DGKI: variants seen among roughly 807,000 people sequenced by gnomAD.
DGKI encodes diacylglycerol kinase iota.
In DGKI, 55 loss-of-function variants were observed where a neutral mutation model predicts 147.5. The observed-to-expected ratio is 0.37, with a 90% CI of 0.30 to 0.47. The LOEUF (loss-of-function observed/expected upper bound fraction) is 0.47. DGKI is among the 20% of genes least tolerant of loss of function. The pLI is 1.00. For missense variants in DGKI, 1,007 were observed against 1,323.8 expected, an observed-to-expected ratio of 0.76 and a Z score of 3.71; for synonymous variants, 469 against 477.1, an observed-to-expected ratio of 0.98 and a Z score of 0.22.
intron 5 of DGKI, among the ~76,000 whole-genome samples, chr7:137,650,728 C>A (rs976622722): frequency 1.3e-5 from 2 of 152,208 alleles, no homozygotes; most frequent in African/African-American, 4.8e-5. Context: ...TGATCTTGGA[C>A]TTCCAGCTTG....
At chr7:137,529,463 A>G (rs1470232716) in intron 20 of DGKI, among the ~76,000 whole-genome samples, 1 of 152,196 alleles carries the variant, frequency 6.6e-6, no homozygotes, top group Non-Finnish European at 1.5e-5. Flanking sequence ...TAACTAATTT[A>G]CCACATGGTT....
intron 1 of DGKI, among the ~76,000 whole-genome samples, chr7:137,692,773 A>G (rs560563977): frequency 1.2e-4 from 18 of 152,344 alleles, no homozygotes; most frequent in Admixed American, 9.8e-4. Context: ...AATAGAAACA[A>G]GTAAGGCCTT....
chr7:137,723,868 T>C (rs1007461051), intron 1 of DGKI, among the ~76,000 whole-genome samples: 1 of 151,774 alleles, frequency 6.6e-6, no homozygotes, highest in Non-Finnish European at 1.5e-5. Context: ...TATCACCATA[T>C]CCAGCTAATT....
intron 1 of DGKI, among the ~76,000 whole-genome samples, chr7:137,833,143 C>A (rs1309904445): frequency 1.3e-5 from 2 of 152,326 alleles, no homozygotes; most frequent in East Asian, 3.9e-4. Context: ...TCAACCTCTG[C>A]CTGTTACCCA....
At chr7:137,477,849 C>T (rs1157338066) in intron 23 of DGKI, among the ~76,000 whole-genome samples, 4 of 152,068 alleles carry the variant, frequency 2.6e-5, no homozygotes, top group South Asian at 2.1e-4. Context: ...TTTGTACAGA[C>T]GGGGTTTCAC....
intron 21 of DGKI, among the ~76,000 whole-genome samples, chr7:137,514,259 A>AAATAG (rs1179369081): frequency 3.9e-5 from 6 of 152,244 alleles, no homozygotes; most frequent in Admixed American, 6.5e-5. Context: ...AAATAAAATA[A>AAATAG]AATCTTATGG....
chr7:137,798,624 T>C (rs747776240), intron 1 of DGKI, among the ~76,000 whole-genome samples: 5 of 152,104 alleles, frequency 3.3e-5, no homozygotes. Context: ...TTTATCATGT[T>C]GCTCAGGCTA....
chr7:137,818,862 C>T (rs1391608556), intron 1 of DGKI, among the ~76,000 whole-genome samples: 1 of 152,218 alleles, frequency 6.6e-6, no homozygotes, highest in Non-Finnish European at 1.5e-5. Context: ...CAGATAATTT[C>T]TATTTCCATG....
chr7:137,436,022 G>A (rs941106122), intron 28 of DGKI, among the ~76,000 whole-genome samples: 17 of 152,042 alleles, frequency 1.1e-4, no homozygotes, highest in African/African-American at 4.1e-4. Context: ...TCAGGTGATC[G>A]CCTCGGCCTC....
chr7:137,745,896 C>CA (rs1326594109), intron 1 of DGKI, among the ~76,000 whole-genome samples: 1 of 151,996 alleles, frequency 6.6e-6, no homozygotes, highest in African/African-American at 2.4e-5. Context: ...CCTCAAATTG[C>CA]AAAAATTATG....
At chr7:137,669,131 C>T (rs1000089303) in intron 3 of DGKI, among the ~76,000 whole-genome samples, 1 of 152,164 alleles carries the variant, frequency 6.6e-6, no homozygotes, top group Non-Finnish European at 1.5e-5. Flanking sequence ...TCATCTGATT[C>T]CAAAGCTCAC....
intron 12 of DGKI, among the ~76,000 whole-genome samples, chr7:137,594,598 A>G (rs1296047291): frequency 1.3e-5 from 2 of 152,302 alleles, no homozygotes; most frequent in East Asian, 3.9e-4. Context: ...CTACAGTGAC[A>G]GATGTGCTCA....
intron 21 of DGKI, among the ~76,000 whole-genome samples, chr7:137,498,040 G>C (rs1290376934): frequency 6.6e-6 from 1 of 151,784 alleles, no homozygotes; most frequent in Non-Finnish European, 1.5e-5. Flanking sequence ...GGAGTTGAGA[G>C]AAAATGGAAT....
chr7:137,576,853 A>G (rs1818998389), intron 17 of DGKI, among the ~76,000 whole-genome samples: 1 of 152,176 alleles, frequency 6.6e-6, no homozygotes, highest in Non-Finnish European at 1.5e-5. Flanking sequence ...CCCAGCTAAC[A>G]TCATTTTTTT....
intron 3 of DGKI, among the ~76,000 whole-genome samples, chr7:137,663,804 C>T (rs150598634): frequency 6.6e-6 from 1 of 152,224 alleles, no homozygotes; most frequent in Non-Finnish European, 1.5e-5. Flanking sequence ...TGTTTCCATG[C>T]CGCTATATTC....
chr7:137,429,291 A>C (rs1428578150), intron 28 of DGKI, among the ~76,000 whole-genome samples: 1 of 151,832 alleles, frequency 6.6e-6, no homozygotes, highest in Non-Finnish European at 1.5e-5. Context: ...TGAGAAAAAC[A>C]AGCAATGGGG....
At chr7:137,522,018 A>G in intron 20 of DGKI, 52 bp from the exon 21 acceptor site, 1 of 1,361,984 alleles carries the variant, frequency 7.3e-7, no homozygotes, top group South Asian at 1.2e-5. Flanking sequence ...CGGAATTGGT[A>G]GCCATGCACC....
chr7:137,801,594 G>A (rs1797209404), intron 1 of DGKI, among the ~76,000 whole-genome samples: 1 of 152,202 alleles, frequency 6.6e-6, no homozygotes. Flanking sequence ...CTGATAGTAA[G>A]TGGCATTATC....
Position 137,599,413 on chromosome 7 carries a change from T to C in DGKI, c.1250+410A>G, listed in dbSNP as rs1819910445. On this transcript the variant is annotated intron_variant, in intron 11 of 32. Transcript: ENST00000614521. ...CGCGCGCACACACACACACACACTC[T>C]CTCTTTTCAGTTCAAATATTCATAA... Among the ~76,000 whole-genome samples the C allele has an allele frequency of 2.0e-5, 3 of 151,894 alleles. 1 individual carries two copies. In the South Asian group the frequency reaches 6.2e-4, roughly 32 times the overall value.
Sources: allele counts gnomAD v4.1 joint callset (sites outside exome capture counted in the v4.1 genomes callset), GRCh38; gene constraint gnomAD v4.1.1; transcripts MANE v1.5; gene names NCBI Gene and HGNC (gene_info 2026-07-23, HGNC 2026-07-21).